The following FRMD5 variants were observed in gnomAD, a reference collection of about 807,000 sequenced individuals.
FRMD5 encodes the protein FERM domain-containing protein 5.
Under a neutral mutation model 69.0 loss-of-function variants are expected in FRMD5, and 20 were observed. The observed-to-expected ratio is 0.29, with a 90% confidence interval of 0.20 to 0.42. FRMD5 has a LOEUF of 0.42. Among genes scored for constraint, FRMD5 ranks in the 10% least tolerant of loss-of-function variants. The pLI, the probability that FRMD5 is intolerant of heterozygous loss-of-function variation, is 1.00. For missense variants in FRMD5, 595 were observed against 708.6 expected (o/e 0.84, Z 1.82); for synonymous variants, 271 against 260.1 (o/e 1.04, Z -0.40).
chr15:44,008,458 G>A (rs1890560430), intron 1 of FRMD5, among the ~76,000 whole-genome samples: 1 of 151,346 alleles, frequency 6.6e-6, no homozygotes, highest in African/African-American at 2.4e-5. Context: ...TAGAGATGTG[G>A]TTTCCTCATG....
At chr15:44,058,179 T>C (rs777510402) in intron 1 of FRMD5, among the ~76,000 whole-genome samples, 2 of 152,148 alleles carry the variant, frequency 1.3e-5, no homozygotes, top group East Asian at 3.8e-4. Context: ...GGAGAAGTTA[T>C]AAATACAAGA....
At position 44,195,256 on chromosome 15, in the gene FRMD5, T is replaced by G; in HGVS notation, c.-202A>C. 1.9e-6 allele frequency: 1 copy of G among 522,034 alleles called. No homozygotes were observed. Among genetic ancestry groups the G allele is most frequent in the Non-Finnish European group, 3.4e-6 (1 of 297,930 alleles). The allele number at this position is 522,034 out of a possible 1,614,324, so 32.3% of individuals were successfully genotyped here. On this transcript the variant is annotated 5_prime_UTR_variant, in exon 1 of 14. Transcript: ENST00000417257. The stretch of plus-strand genomic sequence containing the variant: ...CGCCACCGCCTCCCCCCAGCCCAGA[T>G]CAAGCGCCGGGCTCTGTCTCCTCGG...
At chr15:43,956,139 T>G (rs1450259944) in intron 1 of FRMD5, among the ~76,000 whole-genome samples, 1 of 152,236 alleles carries the variant, frequency 6.6e-6, no homozygotes, top group Non-Finnish European at 1.5e-5. Context: ...TCTTGTTTAT[T>G]CTTAATTGAC....
intron 1 of FRMD5, among the ~76,000 whole-genome samples, chr15:44,038,490 T>C (rs1160033867): frequency 6.6e-6 from 1 of 151,300 alleles, no homozygotes; most frequent in Non-Finnish European, 1.5e-5. Context: ...AGGGGTCCAG[T>C]TTCAGCTTTC....
intron 1 of FRMD5, chr15:44,063,701 A>C (rs1893191744): frequency 2.9e-6 from 1 of 349,010 alleles, no homozygotes; most frequent in South Asian, 2.5e-5. Flanking sequence ...AAGCCTGAGA[A>C]TGGGAAACTT....
chr15:43,934,850 T>C (rs2089732807), intron 1 of FRMD5, among the ~76,000 whole-genome samples: 1 of 152,240 alleles, frequency 6.6e-6, no homozygotes, highest in Admixed American at 6.5e-5. Flanking sequence ...GCTGGATTTC[T>C]ATATGCGAGG....
At chr15:43,986,062 G>C (rs1172981581) in intron 1 of FRMD5, among the ~76,000 whole-genome samples, 1 of 152,176 alleles carries the variant, frequency 6.6e-6, no homozygotes, top group African/African-American at 2.4e-5. Flanking sequence ...CAGTTGCCAT[G>C]GTTTATTAAC....
intron 1 of FRMD5, among the ~76,000 whole-genome samples, chr15:44,189,053 GC>G (rs1247765231): frequency 6.6e-6 from 1 of 152,094 alleles, no homozygotes; most frequent in Non-Finnish European, 1.5e-5. Context: ...CAATTATTTT[GC>G]CTTCATGAGC....
intron 1 of FRMD5, among the ~76,000 whole-genome samples, chr15:44,126,061 C>T (rs2140407441): frequency 6.6e-6 from 1 of 152,336 alleles, no homozygotes; most frequent in Admixed American, 6.5e-5. Context: ...TAAGTGAAGT[C>T]AGCTACTGCA....
intron 7 of FRMD5, among the ~76,000 whole-genome samples, chr15:43,900,276 T>G (rs1333432691): frequency 6.6e-6 from 1 of 152,210 alleles, no homozygotes; most frequent in African/African-American, 2.4e-5. Flanking sequence ...GGTGCCCTGC[T>G]AACAGTATTG....
chr15:44,063,408 T>C (rs965487145), intron 1 of FRMD5: 4 of 187,660 alleles, frequency 2.1e-5, no homozygotes, highest in East Asian at 3.3e-4. Context: ...CACCAATGTA[T>C]AAAACAATTT....
At chr15:43,990,705 A>G (rs991882361) in intron 1 of FRMD5, among the ~76,000 whole-genome samples, 1 of 152,246 alleles carries the variant, frequency 6.6e-6, no homozygotes, top group African/African-American at 2.4e-5. Context: ...TAAGCTTTAC[A>G]GCCAAAGATT....
intron 1 of FRMD5, among the ~76,000 whole-genome samples, chr15:43,928,655 A>G (rs1160335123): frequency 6.6e-6 from 1 of 152,178 alleles, no homozygotes; most frequent in East Asian, 1.9e-4. Context: ...TCCTAAGTCC[A>G]GGGGTTTCTG....
chr15:44,099,602 C>G (rs2076607172), intron 1 of FRMD5, among the ~76,000 whole-genome samples: 1 of 152,132 alleles, frequency 6.6e-6, no homozygotes, highest in African/African-American at 2.4e-5. Context: ...TATCATTATT[C>G]TATTATCTGT....
At chr15:43,965,961 A>C (rs1566867324) in intron 1 of FRMD5, among the ~76,000 whole-genome samples, 1 of 152,168 alleles carries the variant, frequency 6.6e-6, no homozygotes, top group Non-Finnish European at 1.5e-5. Flanking sequence ...GGAACTATAT[A>C]ATCCCAGCTC....
At chr15:44,044,089 C>A (rs554692054) in intron 1 of FRMD5, among the ~76,000 whole-genome samples, 161 of 151,682 alleles carry the variant, frequency 1.1e-3, no homozygotes, top group African/African-American at 3.3e-3. Flanking sequence ...TAAAAAAAAA[C>A]CCCATCAAAA....
intron 1 of FRMD5, among the ~76,000 whole-genome samples, chr15:44,083,409 T>G (rs189916442): frequency 6.6e-6 from 1 of 152,166 alleles, no homozygotes; most frequent in Admixed American, 6.6e-5. Context: ...ATTGTAATAT[T>G]TTAATGCTAT....
intron 1 of FRMD5, among the ~76,000 whole-genome samples, chr15:44,068,423 A>C (rs1322422686): frequency 6.6e-6 from 1 of 152,234 alleles, no homozygotes; most frequent in Non-Finnish European, 1.5e-5. Context: ...ATGAAGTACT[A>C]ACATTAATAC....
chr15:44,175,694 C>CA (rs1468695187), intron 1 of FRMD5, among the ~76,000 whole-genome samples: 1 of 151,624 alleles, frequency 6.6e-6, no homozygotes, highest in Non-Finnish European at 1.5e-5. Context: ...TCATAACTGC[C>CA]AAAAAATGAA....
Sources: gnomAD v4.1 joint callset for allele counts (sites outside exome capture counted in the v4.1 genomes callset) on GRCh38, gnomAD v4.1.1 for gene constraint, MANE v1.5 for transcripts, NCBI Gene and HGNC (gene_info 2026-07-23, HGNC 2026-07-21) for gene names.